HINFP: variants seen among roughly 807,000 people sequenced by gnomAD.
HINFP encodes the protein histone H4 transcription factor, also known as MBD2 (methyl-CpG-binding protein)-interacting zinc finger protein.
In HINFP, 20 loss-of-function variants were observed where a neutral mutation model predicts 50.1. The ratio of observed to expected loss-of-function variants is 0.40; its 90% CI spans 0.28 to 0.58. The LOEUF is 0.58. Among genes scored for constraint, HINFP ranks in the 20% least tolerant of loss-of-function variants. The pLI is 0.45. For missense variants in HINFP, 505 were observed against 664.1 expected (o/e 0.76, Z 2.63); for synonymous variants, 247 against 243.7 (o/e 1.01, Z -0.13).
rs1357177428 is a variant in HINFP at position 119,131,879 on chromosome 11, C to T, written c.573C>T (p.Arg191=). 5.6e-6 allele frequency: 9 copies of T among 1,614,086 alleles called. No individual in the cohort carries two copies. The highest frequency in any genetic ancestry group is 5.9e-6 in the Non-Finnish European group (7 of 1,180,046). The stretch of plus-strand genomic sequence containing the variant: ...GCAGTAAACTTCGAGAGCACCTCCG[C>T]AGCCATACCCAGGAGAAAGTGGTAG... ...KDRSKLREHL[R]SHTQEKVVAC... Residue 191 remains arginine, a synonymous_variant, in exon 5 of 10, where the codon CGC becomes CGT. Coordinates refer to ENST00000350777, the MANE Select transcript of HINFP (RefSeq NM_198971.3). The surrounding 1 kb of genome is among the most constrained non-coding windows in gnomAD (Gnocchi z 4.2).
At position 119,129,490 on chromosome 11, in the gene HINFP, C is replaced by CTTTTTTTTCTTTTTTT. The variant is rs776476604; in HGVS notation, c.182-1227_182-1226insCTTTTTTTTTTTTTTT. Among the ~76,000 whole-genome samples, 19 of 124,176 alleles carry CTTTTTTTTCTTTTTTT rather than the reference C, an allele frequency of 1.5e-4. 2 individuals are homozygous for CTTTTTTTTCTTTTTTT. The highest frequency in any genetic ancestry group is 5.8e-4 in the African/African-American group (19 of 32,618). The allele number at this position is 124,176 out of a possible 152,430, so 81.5% of individuals were successfully genotyped here. A position where few individuals can be genotyped will look rare whatever the true frequency, so the allele number is the denominator to read the frequency against. ...TCTGGCAGGAATACATTTTTCTTTTCTTTTTTTTTTTTTTTGTGGGAGTGC... is the reference window on the plus strand; with the variant it reads ...TCTGGCAGGAATACATTTTTCTTTTCTTTTTTTTCTTTTTTTTTTTTTTTTTTTTTTGTGGGAGTGC... On this transcript the variant is annotated intron_variant, in intron 2 of 9. Transcript: ENST00000350777.
At chr11:119,132,407 T>A (rs1014251124) in intron 5 of HINFP, 89 bp from the exon 6 acceptor site, 1 of 1,323,934 alleles carries the variant, frequency 7.6e-7, no homozygotes, top group Non-Finnish European at 1.1e-6. Flanking sequence ...CTTGGGTGGT[T>A]CCCTTCTGCC....
intron 5 of HINFP, 45 bp from the exon 6 acceptor site, chr11:119,132,451 C>G: frequency 6.3e-7 from 1 of 1,598,610 alleles, no homozygotes; most frequent in South Asian, 1.1e-5. Context: ...TGTGCCTCTC[C>G]ACTATCACCT....
rs1947794166 is a variant in HINFP, at chr11:119,132,103, G to T, written c.676+121G>T. 9.4e-6 allele frequency: 10 copies of T among 1,060,348 alleles called. No individual in the cohort carries two copies. The South Asian group carries it at 1.5e-4, about 15-fold the overall frequency. 65.7% of individuals were successfully genotyped at this position (1,060,348 alleles called of 1,614,324 possible). A position where few individuals can be genotyped will look rare whatever the true frequency, so the allele number is the denominator to read the frequency against. ...CCTTTTGGCTGCCTCTTCTTTTTGG[G>T]CTCAGGCACCTCCCATAGTCTCTTT... On this transcript the variant is annotated intron_variant, in intron 5 of 9. Transcript: ENST00000350777.
rs765632257 is a variant in HINFP at position 119,131,793 on chromosome 11, G to A, written c.524-37G>A. On this transcript the variant is annotated intron_variant, in intron 4 of 9. Coordinates refer to ENST00000350777, the MANE Select transcript of HINFP (RefSeq NM_198971.3). This position sits in a 1 kb window ranked among gnomAD's most constrained non-coding sequence, Gnocchi z 4.2. ...GTACCAGATCCTAGGCAAAACTGGG[G>A]TTTTGTGGCAGGAGACTGATAGGGC... 6.2e-6 allele frequency: 10 copies of A among 1,612,416 alleles called. No individual in the cohort carries two copies. The East Asian group carries it at 1.3e-4, about 22-fold the overall frequency.
At chr11:119,133,245 G>C (rs760092913) in intron 9 of HINFP, 26 bp downstream of exon 9, 3 of 1,611,450 alleles carry the variant, frequency 1.9e-6, no homozygotes, top group Non-Finnish European at 1.7e-6. Flanking sequence ...CTCCTTCCCA[G>C]ATTAACACAC....
intron 1 of HINFP, chr11:119,126,450 T>C (rs1324019862): frequency 2.0e-5 from 3 of 151,752 alleles, no homozygotes; most frequent in East Asian, 1.9e-4. Context: ...GCTTGACATA[T>C]AGTAAGTGTG....
intron 1 of HINFP, among the ~76,000 whole-genome samples, chr11:119,123,035 C>A (rs1030610837): frequency 7.2e-6 from 1 of 138,308 alleles, no homozygotes; most frequent in East Asian, 2.2e-4. Flanking sequence ...GGCTAAGTCA[C>A]GAGAATCGCT....
intron 2 of HINFP, 137 bp from the exon 3 acceptor site, chr11:119,130,588 A>T: frequency 1.5e-6 from 1 of 684,632 alleles, no homozygotes; most frequent in Non-Finnish European, 2.5e-6. Context: ...GTATTTGCTA[A>T]ATGAACCCTG....
intron 2 of HINFP, chr11:119,130,371 A>G (rs1018311408): frequency 7.5e-6 from 2 of 267,046 alleles, no homozygotes; most frequent in South Asian, 8.4e-5. Flanking sequence ...ACCATGTCAA[A>G]TGACCTCTGT....
intron 1 of HINFP, among the ~76,000 whole-genome samples, chr11:119,122,244 C>CAGTCAG (rs1947111795): frequency 6.6e-6 from 1 of 152,174 alleles, no homozygotes; most frequent in Non-Finnish European, 1.5e-5. Flanking sequence ...GACAGGAGGA[C>CAGTCAG]AGTCAGAGAG....
chr11:119,134,563 C>T lies in HINFP; in HGVS notation c.*65C>T, dbSNP rs1947972243. The T allele has an allele frequency of 7.6e-7, 1 of 1,322,990 alleles. No individual in the cohort carries two copies. The highest frequency in any genetic ancestry group is 2.5e-5 in the East Asian group (1 of 40,324). The allele number at this position is 1,322,990 out of a possible 1,614,324, so 82.0% of individuals were successfully genotyped here. On this transcript the variant is annotated 3_prime_UTR_variant, in exon 10 of 10. Coordinates refer to ENST00000350777, the MANE Select transcript of HINFP (RefSeq NM_198971.3). The surrounding 1 kb of genome is among the most constrained non-coding windows in gnomAD (Gnocchi z 4.3). ...GTTTGAGCCAGGCAAGTGGCAGTGC[C>T]CCTAGTGGGCAGCCGTTGCCAATGG...
At chr11:119,132,211 A>G (rs1360485875) in intron 5 of HINFP, 2 of 620,540 alleles carry the variant, frequency 3.2e-6, no homozygotes, top group Non-Finnish European at 5.6e-6. Context: ...CAACAGCCCC[A>G]TGAGGTAGGC....
At position 119,131,888 on chromosome 11, in the gene HINFP, C is replaced by G. The variant is rs1947780525; in HGVS notation, c.582C>G (p.Thr194=). The stretch of plus-strand genomic sequence containing the variant: ...TTCGAGAGCACCTCCGCAGCCATAC[C>G]CAGGAGAAAGTGGTAGCCTGCCCCA... ...SKLREHLRSH[T]QEKVVACPTC... The change falls in exon 5 of 10, where the codon ACC becomes ACG. Residue 194 remains threonine, a synonymous_variant. Transcript: ENST00000350777. The surrounding 1 kb of genome is among the most constrained non-coding windows in gnomAD (Gnocchi z 4.2). 3 of 1,614,152 alleles carry G rather than the reference C, an allele frequency of 1.9e-6. No individual in the cohort carries two copies. The highest frequency in any genetic ancestry group is 1.7e-5 in the Admixed American group (1 of 60,028).
chr11:119,126,796 T>C lies in HINFP; in HGVS notation c.-10-139T>C. The C allele has an allele frequency of 6.0e-6, 4 of 668,264 alleles. No individual in the cohort carries two copies. The South Asian group carries it at 7.9e-5, about 13-fold the overall frequency. 41.4% of individuals were successfully genotyped at this position (668,264 alleles called of 1,614,324 possible). A position where few individuals can be genotyped will look rare whatever the true frequency, so the allele number is the denominator to read the frequency against. ...GGGATTTAAGGAATTACTCCATCCT[T>C]ACTGTAAAAGGGCAGGGTTTCTCAT... On this transcript the variant is annotated intron_variant, in intron 1 of 9. Coordinates refer to ENST00000350777, the MANE Select transcript of HINFP (RefSeq NM_198971.3).
chr11:119,123,033 C>T (rs776973929), intron 1 of HINFP, among the ~76,000 whole-genome samples: 5 of 145,432 alleles, frequency 3.4e-5, no homozygotes, highest in Non-Finnish European at 7.4e-5. Flanking sequence ...GAGGCTAAGT[C>T]ACGAGAATCG....
chr11:119,132,363 G>A, intron 5 of HINFP, 133 bp from the exon 6 acceptor site: 1 of 786,082 alleles, frequency 1.3e-6, no homozygotes. Flanking sequence ...ATGATACTGT[G>A]TCCATTCATA....
Position 119,127,091 on chromosome 11 carries a change from GGAGGAGGAAGAGGAA to G in HINFP, c.156_170del (p.Glu52_Glu56del). The G allele has an allele frequency of 6.2e-7, 1 of 1,612,916 alleles. No homozygotes were observed. The highest frequency in any genetic ancestry group is 1.1e-5 in the South Asian group (1 of 90,906). On this transcript the variant is annotated inframe_deletion, in exon 2 of 10. Transcript: ENST00000350777. ...AGCAGCACCTGCATGGCTCTGGGGAGGAGGAGGAAGAGGAAGAGGAGGATGACCCACTTGGTAAGA... is the reference window on the plus strand; with the variant it reads ...AGCAGCACCTGCATGGCTCTGGGGAGGAGGAGGATGACCCACTTGGTAAGA...
chr11:119,123,740 A>G (rs1947229842), intron 1 of HINFP: 2 of 129,200 alleles, frequency 1.5e-5, no homozygotes, highest in Admixed American at 1.6e-4. Flanking sequence ...TTGAGATTGA[A>G]TCTTGCTCTG....
Sources: allele counts gnomAD v4.1 joint callset (sites outside exome capture counted in the v4.1 genomes callset), GRCh38; gene constraint gnomAD v4.1.1; non-coding constraint Gnocchi (gnomAD v3.1); transcripts MANE v1.5; gene names NCBI Gene and HGNC (gene_info 2026-07-23, HGNC 2026-07-21).